TRABD2A: variants seen among roughly 807,000 people sequenced by gnomAD.
TRABD2A encodes TraB domain containing 2A.
TRABD2A carries 43 observed loss-of-function variants against 45.6 expected under a neutral mutation model. The observed-to-expected ratio is 0.94, with a 90% CI of 0.74 to 1.22. The LOEUF (loss-of-function observed/expected upper bound fraction) is 1.22. TRABD2A is among the 50% of genes most tolerant of loss of function. The pLI is 0.00. For synonymous variants in TRABD2A, 269 were observed against 265.0 expected (o/e 1.02, Z -0.15); for missense variants, 642 against 652.4 (o/e 0.98, Z 0.17).
In TRABD2A at chr2:84,856,381, GTGA is replaced by G. The variant is rs1457315157; in HGVS notation, c.669+13841_669+13843del. Among the ~76,000 whole-genome samples, 5 of 152,180 alleles carry G rather than the reference GTGA, an allele frequency of 3.3e-5. No homozygotes were observed. In the East Asian group the frequency reaches 7.7e-4, roughly 24 times the overall value. ...TAGACTGGCCCCTCAAACCAAGGAGGTGATGAAAGTCCTGCTCCTTCTTGTCAT... is the reference window on the plus strand; with the variant it reads ...TAGACTGGCCCCTCAAACCAAGGAGGTGAAAGTCCTGCTCCTTCTTGTCAT... On this transcript the variant is annotated intron_variant, in intron 2 of 6. Coordinates refer to ENST00000409520, the MANE Select transcript of TRABD2A (RefSeq NM_001277053.2).
At position 84,825,560 on chromosome 2, in the gene TRABD2A, C is replaced by G. The variant is rs116374824; in HGVS notation, c.1083-1356G>C. On this transcript the variant is annotated intron_variant, in intron 5 of 6. Coordinates refer to ENST00000409520, the MANE Select transcript of TRABD2A (RefSeq NM_001277053.2). The stretch of plus-strand genomic sequence containing the variant: ...CTGTCTCCTGAGCTCAGCGCAATGC[C>G]TGGTACATAACTGTGAAGCCACTTA... Among the ~76,000 whole-genome samples, 1,298 of 152,272 alleles carry G rather than the reference C, an allele frequency of 8.5e-3. 22 individuals are homozygous for G. Among genetic ancestry groups the G allele is most frequent in the African/African-American group, 0.03 (1,243 of 41,552 alleles).
Position 84,839,430 on chromosome 2 carries a change from A to G in TRABD2A, c.817-107T>C, listed in dbSNP as rs1033129853. 23 of 1,071,194 alleles carry G rather than the reference A, an allele frequency of 2.1e-5. 1 individual carries two copies. The African/African-American group carries it at 3.2e-4, about 15-fold the overall frequency. The allele number at this position is 1,071,194 out of a possible 1,614,324, so 66.4% of individuals were successfully genotyped here. A position where few individuals can be genotyped will look rare whatever the true frequency, so the allele number is the denominator to read the frequency against. Reference sequence around the variant, plus strand: ...AACCTAGATGGTCAAGACGTTGTCAAGAGAAGAGTGACACCATTCTTGGAG... The same window carrying G: ...AACCTAGATGGTCAAGACGTTGTCAGGAGAAGAGTGACACCATTCTTGGAG... On this transcript the variant is annotated intron_variant, in intron 3 of 6. Coordinates refer to ENST00000409520, the MANE Select transcript of TRABD2A (RefSeq NM_001277053.2).
At chr2:84,849,638 A>C (rs1459752799) in intron 2 of TRABD2A, 1 of 152,242 alleles carries the variant, frequency 6.6e-6, no homozygotes, top group Non-Finnish European at 1.5e-5. Context: ...ACTGCAATAC[A>C]CAGGCAAGGC....
chr2:84,866,808 G>A (rs1035094763), intron 2 of TRABD2A, among the ~76,000 whole-genome samples: 3 of 152,170 alleles, frequency 2.0e-5, no homozygotes, highest in African/African-American at 7.2e-5. Context: ...ACTGAGGCCA[G>A]GTGTGGCGGC....
chr2:84,851,043 G>T (rs936961102), intron 2 of TRABD2A: 1 of 152,252 alleles, frequency 6.6e-6, no homozygotes, highest in South Asian at 2.1e-4. Flanking sequence ...ATAAGAAACA[G>T]TAGCTATGCT....
intron 5 of TRABD2A, among the ~76,000 whole-genome samples, chr2:84,826,339 A>G (rs1184048757): frequency 6.6e-6 from 1 of 152,232 alleles, no homozygotes; most frequent in Non-Finnish European, 1.5e-5. Context: ...AGCCAAGTTA[A>G]TAGCCCTGGG....
At chr2:84,843,660 A>G in intron 2 of TRABD2A, 1 of 152,454 alleles carries the variant, frequency 6.6e-6, no homozygotes, top group Non-Finnish European at 1.5e-5. Flanking sequence ...AAGAAGACAG[A>G]AGGGCAAGCT....
chr2:84,863,602 T>C (rs1165492956), intron 2 of TRABD2A, among the ~76,000 whole-genome samples: 55 of 85,854 alleles, frequency 6.4e-4, no homozygotes, highest in African/African-American at 3.5e-3. Flanking sequence ...ATTTTCTTTT[T>C]TTTTTTTTTT....
At chr2:84,861,490 T>C (rs1477308900) in intron 2 of TRABD2A, among the ~76,000 whole-genome samples, 2 of 152,170 alleles carry the variant, frequency 1.3e-5, no homozygotes, top group Non-Finnish European at 2.9e-5. Context: ...ATGCTGCCAC[T>C]GATCTGACAG....
At chr2:84,852,481 C>A (rs1001181309) in intron 2 of TRABD2A, among the ~76,000 whole-genome samples, 1 of 151,744 alleles carries the variant, frequency 6.6e-6, no homozygotes, top group Non-Finnish European at 1.5e-5. Flanking sequence ...GGAGGATGGC[C>A]AAAATGACCA....
intron 2 of TRABD2A, among the ~76,000 whole-genome samples, chr2:84,848,371 T>TAGACAGAC (rs1164204560): frequency 1.8e-4 from 19 of 107,624 alleles, no homozygotes; most frequent in African/African-American, 6.3e-4. Context: ...GATAGATAGA[T>TAGACAGAC]AGATAGACAG....
intron 2 of TRABD2A, among the ~76,000 whole-genome samples, chr2:84,845,959 C>T (rs1359386104): frequency 4.6e-5 from 7 of 152,082 alleles, no homozygotes; most frequent in East Asian, 1.9e-4. Context: ...TCTAGTGTAT[C>T]ATAGAAGCTT....
intron 2 of TRABD2A, among the ~76,000 whole-genome samples, chr2:84,862,317 C>T (rs1292289041): frequency 1.3e-5 from 2 of 152,208 alleles, no homozygotes; most frequent in African/African-American, 4.8e-5. Flanking sequence ...CGCATGGAGA[C>T]ATGCTGGGAG....
At chr2:84,855,035 C>T (rs1177668013) in intron 2 of TRABD2A, among the ~76,000 whole-genome samples, 1 of 152,108 alleles carries the variant, frequency 6.6e-6, no homozygotes, top group African/African-American at 2.4e-5. Flanking sequence ...GTGCCCCCTC[C>T]CTCCCCAAGC....
intron 2 of TRABD2A, among the ~76,000 whole-genome samples, chr2:84,843,271 G>T (rs1415801636): frequency 6.6e-6 from 1 of 152,060 alleles, no homozygotes; most frequent in Admixed American, 6.5e-5. Flanking sequence ...AGACAGGCTT[G>T]GTCCATCTGT....
At chr2:84,880,602 C>T (rs937985395) in intron 1 of TRABD2A, among the ~76,000 whole-genome samples, 2 of 152,244 alleles carry the variant, frequency 1.3e-5, no homozygotes, top group African/African-American at 4.8e-5. Flanking sequence ...GCCCAAGTTC[C>T]TGGTCCGGTA....
At chr2:84,824,576 G>A (rs1314688912) in intron 5 of TRABD2A, among the ~76,000 whole-genome samples, 2 of 135,454 alleles carry the variant, frequency 1.5e-5, no homozygotes, top group African/African-American at 2.9e-5. Context: ...TTTGAGATCG[G>A]GTTTCCCTCA....
Position 84,822,060 on chromosome 2 carries a change from G to T in TRABD2A, c.1375C>A (p.His459Asn). The T allele has an allele frequency of 1.3e-6, 2 of 1,589,262 alleles. No individual in the cohort carries two copies. Among genetic ancestry groups the T allele is most frequent in the South Asian group, 1.2e-5 (1 of 86,700 alleles). The change falls in exon 7 of 7, where the codon CAC becomes AAC. Residue 459 changes from histidine (H) to asparagine (N), a missense_variant. His to Asn is a moderately conservative substitution (Grantham distance 68). Coordinates refer to ENST00000409520, the MANE Select transcript of TRABD2A (RefSeq NM_001277053.2). ...PQLQVPVLDR[H>N]ISTELRLPRR... Reference sequence around the variant, plus strand: ...GGGAGCCGCAGTTCAGTGGAGATGTGCCTGTCCAGGACAGGGACCTGGAGT... The same window carrying T: ...GGGAGCCGCAGTTCAGTGGAGATGTTCCTGTCCAGGACAGGGACCTGGAGT...
At chr2:84,824,546 CTTT>C (rs33984190) in intron 5 of TRABD2A, among the ~76,000 whole-genome samples, 5,498 of 106,108 alleles carry the variant, frequency 0.052, 111 homozygotes, top group African/African-American at 0.096. Flanking sequence ...ACAATTATAG[CTTT>C]TTTTTTTTTT....
Sources: gnomAD v4.1 joint callset for allele counts (sites outside exome capture counted in the v4.1 genomes callset) on GRCh38, gnomAD v4.1.1 for gene constraint, MANE v1.5 for transcripts, NCBI Gene and HGNC (gene_info 2026-07-23, HGNC 2026-07-21) for gene names.